MOGAT1: variants seen among roughly 807,000 people sequenced by gnomAD.
The protein encoded by MOGAT1 is 2-acylglycerol O-acyltransferase 1.
MOGAT1 carries 32 observed loss-of-function variants against 31.4 expected under a neutral mutation model. The ratio of observed to expected loss-of-function variants is 1.02; its 90% CI spans 0.77 to 1.37. The LOEUF (loss-of-function observed/expected upper bound fraction) is 1.37. Among genes scored for constraint, MOGAT1 ranks in the 40% most tolerant of loss-of-function variants. MOGAT1 has a pLI of 0.00. For missense variants in MOGAT1, 426 were observed against 402.0 expected (o/e 1.06, Z -0.51); for synonymous variants, 145 against 144.5 (o/e 1.00, Z -0.03).
At chr2:222,685,767 A>G (rs1415325533) in intron 1 of MOGAT1, among the ~76,000 whole-genome samples, 1 of 151,024 alleles carries the variant, frequency 6.6e-6, no homozygotes, top group Non-Finnish European at 1.5e-5. Flanking sequence ...CACCCCACCA[A>G]TTTTTGTATT....
At chr2:222,701,596 A>AAAAGAGAAAGACAGGGAGGG (rs763465755) in intron 5 of MOGAT1, among the ~76,000 whole-genome samples, 1 of 138,978 alleles carries the variant, frequency 7.2e-6, no homozygotes, top group African/African-American at 2.8e-5. Flanking sequence ...GAAAGAAAGA[A>AAAAGAGAAAGACAGGGAGGG]AGGGAGGGAG....
Position 222,671,888 on chromosome 2 carries a change from C to A in MOGAT1, c.94+9C>A, listed in dbSNP as rs1416574235. On this transcript the variant is annotated intron_variant, in intron 1 of 5. Transcript: ENST00000446656. ...GAAATACCTGCTGCTCGGTAAGGAC[C>A]CCGCCCCCCGGGCCGCGGGGCTTGG... The A allele has an allele frequency of 6.5e-6, 10 of 1,549,134 alleles. No individual in the cohort carries two copies. The highest frequency in any genetic ancestry group is 7.9e-6 in the Non-Finnish European group (9 of 1,145,206).
chr2:222,675,956 T>C (rs1038095142), intron 1 of MOGAT1, among the ~76,000 whole-genome samples: 6 of 152,214 alleles, frequency 3.9e-5, no homozygotes, highest in Non-Finnish European at 7.3e-5. Context: ...AGATGTTTTA[T>C]TAATGATGTT....
chr2:222,701,773 C>T (rs1172504207), intron 5 of MOGAT1, among the ~76,000 whole-genome samples: 1 of 152,090 alleles, frequency 6.6e-6, no homozygotes, highest in East Asian at 1.9e-4. Flanking sequence ...GCGCTGGCCA[C>T]ATAGAGATTG....
rs1175352956 is a variant in MOGAT1 at position 222,691,194 on chromosome 2, T to TTTTTA, written c.478+1745_478+1749dup. 3.6e-4 allele frequency among the ~76,000 whole-genome samples: 55 copies of TTTTTA among 151,640 alleles called. 1 individual carries two copies. The highest frequency in any genetic ancestry group is 9.6e-4 in the East Asian group (5 of 5,202). ...CCCTGGTTTCTTTTTATTTATTTAT[T>TTTTTA]TTTTATTTTATTTTATTTTATTTTT... On this transcript the variant is annotated intron_variant, in intron 3 of 5. Coordinates refer to ENST00000446656, the MANE Select transcript of MOGAT1 (RefSeq NM_058165.3).
intron 5 of MOGAT1, among the ~76,000 whole-genome samples, chr2:222,703,087 A>G (rs1327991035): frequency 2.0e-5 from 3 of 152,166 alleles, no homozygotes; most frequent in Non-Finnish European, 4.4e-5. Context: ...GATTTTTGCA[A>G]GTATGTGGGA....
At chr2:222,706,002 G>A (rs578132450) in intron 5 of MOGAT1, among the ~76,000 whole-genome samples, 5 of 152,208 alleles carry the variant, frequency 3.3e-5, no homozygotes, top group South Asian at 2.1e-4. Flanking sequence ...TCTCTAATCC[G>A]GTTTGGGGTT....
At chr2:222,675,636 C>T (rs1479311442) in intron 1 of MOGAT1, among the ~76,000 whole-genome samples, 2 of 152,028 alleles carry the variant, frequency 1.3e-5, no homozygotes, top group Non-Finnish European at 2.9e-5. Context: ...CCCACCACCA[C>T]GCCCGGCTGA....
At chr2:222,691,281 C>T (rs1000914824) in intron 3 of MOGAT1, among the ~76,000 whole-genome samples, 5 of 151,992 alleles carry the variant, frequency 3.3e-5, no homozygotes, top group East Asian at 1.9e-4. Context: ...GATCTTGGCT[C>T]ATTGCGACCT....
chr2:222,696,898 G>A (rs1294250690), intron 5 of MOGAT1, among the ~76,000 whole-genome samples: 1 of 151,940 alleles, frequency 6.6e-6, no homozygotes, highest in Non-Finnish European at 1.5e-5. Flanking sequence ...AAATTAGCGG[G>A]GCACCATGGC....
At chr2:222,685,926 T>A (rs188513458) in intron 1 of MOGAT1, among the ~76,000 whole-genome samples, 1 of 152,128 alleles carries the variant, frequency 6.6e-6, no homozygotes, top group Non-Finnish European at 1.5e-5. Flanking sequence ...ATGTAAAACA[T>A]GTAATGAGCA....
chr2:222,678,497 A>G (rs1692530386), intron 1 of MOGAT1, among the ~76,000 whole-genome samples: 1 of 152,230 alleles, frequency 6.6e-6, no homozygotes, highest in Non-Finnish European at 1.5e-5. Flanking sequence ...TTTATCAGCG[A>G]TGAGCTTTGT....
At chr2:222,681,671 C>T (rs1219591238) in intron 1 of MOGAT1, among the ~76,000 whole-genome samples, 2 of 152,114 alleles carry the variant, frequency 1.3e-5, no homozygotes, top group Non-Finnish European at 2.9e-5. Context: ...GCTGCAGGTT[C>T]CAAGCATCTT....
chr2:222,693,003 A>C (rs1692785130), intron 3 of MOGAT1, among the ~76,000 whole-genome samples: 1 of 152,206 alleles, frequency 6.6e-6, no homozygotes. Context: ...TCTGCCTCTT[A>C]AGAGGGCAGT....
rs765788014 is a variant in MOGAT1 at position 222,695,263 on chromosome 2, C to A, written c.828C>A (p.Thr276=). The A allele has an allele frequency of 1.5e-5, 24 of 1,612,504 alleles. No homozygotes were observed. The highest frequency in any genetic ancestry group is 1.6e-4 in the Middle Eastern group (1 of 6,078). ...TTCAGTACAATTTTGGCCTAATGAC[C>A]TATAGGAAAGCCATCCACACTGTTG... ...GVFQYNFGLM[T]YRKAIHTVVG... The change falls in exon 5 of 6, where the codon ACC becomes ACA. Residue 276 remains threonine, a synonymous_variant. Transcript: ENST00000446656.
chr2:222,689,219 A>T (rs1692722678), intron 2 of MOGAT1, 46 bp from the exon 3 acceptor site: 1 of 1,449,614 alleles, frequency 6.9e-7, no homozygotes, highest in African/African-American at 1.4e-5. Context: ...GGAAAATAAT[A>T]AGGGAAGTTT....
chr2:222,698,016 T>C (rs1190160807), intron 5 of MOGAT1, among the ~76,000 whole-genome samples: 2 of 152,210 alleles, frequency 1.3e-5, no homozygotes, highest in Admixed American at 6.5e-5. Flanking sequence ...TATCAGACTC[T>C]TAATGGACAC....
intron 1 of MOGAT1, among the ~76,000 whole-genome samples, chr2:222,687,233 A>G (rs562506031): frequency 6.6e-6 from 1 of 152,084 alleles, no homozygotes; most frequent in Non-Finnish European, 1.5e-5. Context: ...ATAACAGATT[A>G]AACGCTATTT....
At chr2:222,681,770 G>A (rs1692584598) in intron 1 of MOGAT1, among the ~76,000 whole-genome samples, 1 of 152,102 alleles carries the variant, frequency 6.6e-6, no homozygotes, top group South Asian at 2.1e-4. Context: ...TGTCACTCAG[G>A]AAGTTCCAAG....
Sources: allele counts gnomAD v4.1 joint callset (sites outside exome capture counted in the v4.1 genomes callset), GRCh38; gene constraint gnomAD v4.1.1; transcripts MANE v1.5; gene names NCBI Gene and HGNC (gene_info 2026-07-23, HGNC 2026-07-21).